Variants in BCAS3 observed in about 807,000 individuals in gnomAD.
BCAS3 encodes the protein BCAS4/BCAS3 fusion.
In BCAS3, 53 loss-of-function variants were observed where a neutral mutation model predicts 116.1. The ratio of observed to expected loss-of-function variants is 0.46; its 90% CI spans 0.37 to 0.57. BCAS3 has a LOEUF of 0.57. Ranked by LOEUF, BCAS3 falls within the 20% of genes least tolerant of loss-of-function variation. BCAS3 has a pLI of 0.00. For synonymous variants in BCAS3, 391 were observed against 408.2 expected (o/e 0.96, Z 0.51); for missense variants, 917 against 1,165.4 (o/e 0.79, Z 3.10).
At chr17:61,178,872 G>T (rs1286709735) in intron 22 of BCAS3, among the ~76,000 whole-genome samples, 1 of 152,144 alleles carries the variant, frequency 6.6e-6, no homozygotes, top group African/African-American at 2.4e-5. Context: ...TACCCTATAT[G>T]AAGACGCTGG....
chr17:61,092,896 A>G (rs1336860479), intron 22 of BCAS3, among the ~76,000 whole-genome samples: 1 of 141,972 alleles, frequency 7.0e-6, no homozygotes, highest in Non-Finnish European at 1.5e-5. Flanking sequence ...TCTTTTGTCC[A>G]GTCTTTTTTT....
intron 5 of BCAS3, among the ~76,000 whole-genome samples, chr17:60,712,171 AAAAC>A (rs932879877): frequency 3.4e-5 from 5 of 146,802 alleles, no homozygotes; most frequent in African/African-American, 1.0e-4. Flanking sequence ...TCTCAAAACA[AAAAC>A]AAAAACAAAA....
rs2081896026 is a variant in BCAS3, at chr17:61,217,919, G to A, written c.2425+133355G>A. 6.6e-6 allele frequency among the ~76,000 whole-genome samples: 1 copy of A among 152,150 alleles called. No individual in the cohort carries two copies. The highest frequency in any genetic ancestry group is 6.5e-5 in the Admixed American group (1 of 15,280). ...TGTTGCTCCTGTGAGAGGCCTTCAT[G>A]CTTTTGAATGAGTTCTGTTACAACA... On this transcript the variant is annotated intron_variant, in intron 22 of 23. Transcript: ENST00000407086. This position sits in a 1 kb window ranked among gnomAD's most constrained non-coding sequence, Gnocchi z 5.2.
chr17:60,893,513 T>C (rs980814288), intron 10 of BCAS3, among the ~76,000 whole-genome samples: 2 of 152,146 alleles, frequency 1.3e-5, no homozygotes, highest in African/African-American at 4.8e-5. Flanking sequence ...CCATTGTGTA[T>C]TTTTGTCAAC....
chr17:60,726,045 A>G lies in BCAS3; in HGVS notation c.321+16720A>G, dbSNP rs141489201. ...CGAGTAGCTGGGATTACAGGCATGC[A>G]CCACCACACTTGGCTAATTTTGTAC... On this transcript the variant is annotated intron_variant, in intron 5 of 23. Coordinates refer to ENST00000407086, the MANE Select transcript of BCAS3 (RefSeq NM_017679.5). Among the ~76,000 whole-genome samples, 1,196 of 150,708 alleles carry G rather than the reference A, an allele frequency of 7.9e-3. 3 individuals are homozygous for G. The highest frequency in any genetic ancestry group is 0.014 in the Non-Finnish European group (976 of 67,678).
chr17:60,735,946 G>T (rs988988183), intron 5 of BCAS3, among the ~76,000 whole-genome samples: 1 of 152,156 alleles, frequency 6.6e-6, no homozygotes, highest in Non-Finnish European at 1.5e-5. Context: ...GAGCCATTAA[G>T]TGAGTGTAAG....
chr17:60,907,401 A>G (rs1380183462), intron 11 of BCAS3, among the ~76,000 whole-genome samples: 1 of 152,140 alleles, frequency 6.6e-6, no homozygotes, highest in Non-Finnish European at 1.5e-5. Flanking sequence ...GTTATCTGAT[A>G]ACTTCCTAAT....
intron 6 of BCAS3, among the ~76,000 whole-genome samples, chr17:60,762,281 G>C (rs113574530): frequency 1.3e-5 from 2 of 151,938 alleles, no homozygotes; most frequent in Non-Finnish European, 2.9e-5. Context: ...TCCCACGTCT[G>C]TGTCCTGAAT....
chr17:60,695,116 C>T (rs949781332), intron 4 of BCAS3, among the ~76,000 whole-genome samples: 4 of 147,794 alleles, frequency 2.7e-5, no homozygotes, highest in African/African-American at 1.0e-4. Context: ...ATGTATATAC[C>T]ACATTTTTTT....
intron 5 of BCAS3, among the ~76,000 whole-genome samples, chr17:60,722,509 T>A (rs767658815): frequency 2.0e-5 from 3 of 152,122 alleles, no homozygotes; most frequent in African/African-American, 7.2e-5. Context: ...ATGCCTGTAA[T>A]CCCAGCACTT....
At chr17:61,069,111 A>C (rs2071039973) in intron 19 of BCAS3, among the ~76,000 whole-genome samples, 1 of 152,194 alleles carries the variant, frequency 6.6e-6, no homozygotes, top group East Asian at 1.9e-4. Context: ...ACAAAAAACC[A>C]AAGAAGTGAC....
intron 6 of BCAS3, among the ~76,000 whole-genome samples, chr17:60,806,064 A>C (rs982101656): frequency 6.6e-6 from 1 of 150,596 alleles, no homozygotes; most frequent in African/African-American, 2.4e-5. Context: ...TAAACTAGAG[A>C]TGGGGTTTCA....
At position 61,378,997 on chromosome 17, in the gene BCAS3, G is replaced by T. The variant is rs1303438140; in HGVS notation, c.2593+10503G>T. 6.6e-6 allele frequency: 1 copy of T among 152,282 alleles called. No homozygotes were observed. The highest frequency in any genetic ancestry group is 1.5e-5 in the Non-Finnish European group (1 of 68,098). 9.4% of individuals were successfully genotyped at this position (152,282 alleles called of 1,614,324 possible). A position where few individuals can be genotyped will look rare whatever the true frequency, so the allele number is the denominator to read the frequency against. ...AGGAGGAAGTGCCAGTGCGACCTCT[G>T]TGACCCTTCAGAGTCCCCTCTCCAG... On this transcript the variant is annotated intron_variant, in intron 23 of 23. Transcript: ENST00000407086. This position sits in a 1 kb window ranked among gnomAD's most constrained non-coding sequence, Gnocchi z 5.8.
In BCAS3 at chr17:60,850,346, T is replaced by G. The variant is rs12936170; in HGVS notation, c.477-18230T>G. On this transcript the variant is annotated intron_variant, in intron 7 of 23. Transcript: ENST00000407086. ...CTCCCCCTAACTCCTGGCACCACTG[T>G]TTTTTTTTTTTTTTTTTTTTTTTTT... 1.1e-3 allele frequency among the ~76,000 whole-genome samples: 95 copies of G among 85,202 alleles called. 2 individuals carry two copies. In the East Asian group the frequency reaches 0.023, roughly 20 times the overall value. 55.9% of individuals were successfully genotyped at this position (85,202 alleles called of 152,430 possible). A position where few individuals can be genotyped will look rare whatever the true frequency, so the allele number is the denominator to read the frequency against.
chr17:60,702,178 G>A (rs985514851), intron 4 of BCAS3, among the ~76,000 whole-genome samples: 1 of 152,168 alleles, frequency 6.6e-6, no homozygotes, highest in Non-Finnish European at 1.5e-5. Flanking sequence ...AATTTTAACT[G>A]CATAAAATTA....
chr17:61,364,847 G>A lies in BCAS3; in HGVS notation c.2426-3480G>A, dbSNP rs559701455. 2.0e-5 allele frequency among the ~76,000 whole-genome samples: 3 copies of A among 152,178 alleles called. No individual in the cohort carries two copies. Among genetic ancestry groups the A allele is most frequent in the Non-Finnish European group, 2.9e-5 (2 of 68,038 alleles). On this transcript the variant is annotated intron_variant, in intron 22 of 23. Transcript: ENST00000407086. The surrounding 1 kb of genome is among the most constrained non-coding windows in gnomAD (Gnocchi z 5.4). ...TGCTCAGAGACTTTGAACATGTCACGTAACTTCTCAGAGCTTCCAGTTTCA... is the reference window on the plus strand; with the variant it reads ...TGCTCAGAGACTTTGAACATGTCACATAACTTCTCAGAGCTTCCAGTTTCA...
At chr17:60,726,700 G>A (rs2039906033) in intron 5 of BCAS3, among the ~76,000 whole-genome samples, 1 of 151,522 alleles carries the variant, frequency 6.6e-6, no homozygotes, top group East Asian at 2.0e-4. Flanking sequence ...TAGTAGACAT[G>A]GGGTTTCACC....
chr17:61,089,095 C>A (rs373243046), intron 22 of BCAS3, among the ~76,000 whole-genome samples: 9 of 152,044 alleles, frequency 5.9e-5, no homozygotes, highest in African/African-American at 1.9e-4. Context: ...GTTCTTGACT[C>A]AAGAGAAATA....
rs2082187532 is a variant in BCAS3 at position 61,222,956 on chromosome 17, A to T, written c.2425+138392A>T. 6.6e-6 allele frequency among the ~76,000 whole-genome samples: 1 copy of T among 152,096 alleles called. No individual in the cohort carries two copies. The highest frequency in any genetic ancestry group is 1.5e-5 in the Non-Finnish European group (1 of 68,034). On this transcript the variant is annotated intron_variant, in intron 22 of 23. Coordinates refer to ENST00000407086, the MANE Select transcript of BCAS3 (RefSeq NM_017679.5). This position sits in a 1 kb window ranked among gnomAD's most constrained non-coding sequence, Gnocchi z 6.1. ...AGCCCTTCAGCTTCCTTTCAGTGAT[A>T]GCATCCTGCCTGCCACACTGGGCTT...
Sources: gnomAD v4.1 joint callset for allele counts (sites outside exome capture counted in the v4.1 genomes callset) on GRCh38, gnomAD v4.1.1 for gene constraint, Gnocchi (gnomAD v3.1) non-coding constraint, MANE v1.5 for transcripts, NCBI Gene and HGNC (gene_info 2026-07-23, HGNC 2026-07-21) for gene names.